The following FBXO15 variants were observed in gnomAD, a reference collection of about 807,000 sequenced individuals.
The protein encoded by FBXO15 is F-box only protein 15.
In FBXO15, 30 loss-of-function variants were observed where a neutral mutation model predicts 49.5. That is an observed-to-expected ratio of 0.61 (90% CI 0.45 to 0.82). The LOEUF (loss-of-function observed/expected upper bound fraction) is 0.82, where lower values mean the gene tolerates loss of function less well. FBXO15 is among the 40% of genes least tolerant of loss of function. The probability of loss-of-function intolerance (pLI) is 0.00; values close to 1 mark genes in which losing one functional copy is unlikely to be tolerated. For missense variants in FBXO15, 591 were observed against 631.5 expected (o/e 0.94, Z 0.69); for synonymous variants, 250 against 232.7 (o/e 1.07, Z -0.68).
intron 2 of FBXO15, among the ~76,000 whole-genome samples, chr18:74,139,388 A>T (rs1320188013): frequency 6.6e-6 from 1 of 152,252 alleles, no homozygotes; most frequent in African/African-American, 2.4e-5. Context: ...TCCATTTCTC[A>T]TATCAGATGC....
intron 8 of FBXO15, among the ~76,000 whole-genome samples, chr18:74,116,553 A>T (rs1029906005): frequency 6.6e-6 from 1 of 152,160 alleles, no homozygotes; most frequent in Non-Finnish European, 1.5e-5. Flanking sequence ...TTGAAGTTTT[A>T]TCCTTTCCAC....
chr18:74,080,625 A>C (rs927368351), intron 9 of FBXO15, among the ~76,000 whole-genome samples: 14 of 152,248 alleles, frequency 9.2e-5, no homozygotes, highest in Admixed American at 1.3e-4. Context: ...CTTCTCTGAG[A>C]ACTTCTATGA....
At chr18:74,131,493 A>T (rs889966469) in intron 3 of FBXO15, among the ~76,000 whole-genome samples, 5 of 152,182 alleles carry the variant, frequency 3.3e-5, no homozygotes, top group Admixed American at 6.5e-5. Context: ...AAGCTCCCCA[A>T]ATTCAGAGAG....
At chr18:74,104,262 G>A (rs1414403077) in intron 8 of FBXO15, among the ~76,000 whole-genome samples, 4 of 151,690 alleles carry the variant, frequency 2.6e-5, no homozygotes, top group Admixed American at 2.6e-4. Flanking sequence ...AAGCCTCATG[G>A]TACAAGAATG....
intron 8 of FBXO15, among the ~76,000 whole-genome samples, chr18:74,094,587 G>A (rs1315937207): frequency 6.6e-6 from 1 of 152,122 alleles, no homozygotes; most frequent in Non-Finnish European, 1.5e-5. Flanking sequence ...CTGAGAAGTG[G>A]GTCTCAATAG....
intron 5 of FBXO15, among the ~76,000 whole-genome samples, chr18:74,128,850 T>C (rs1978304817): frequency 6.6e-6 from 1 of 152,240 alleles, no homozygotes; most frequent in South Asian, 2.1e-4. Flanking sequence ...ACGCATTTTA[T>C]AGTGATATCT....
At chr18:74,089,547 T>C (rs1175758191) in intron 8 of FBXO15, among the ~76,000 whole-genome samples, 1 of 152,176 alleles carries the variant, frequency 6.6e-6, no homozygotes, top group Non-Finnish European at 1.5e-5. Flanking sequence ...TTCAGTATAA[T>C]ATTGGTTTTG....
intron 7 of FBXO15, 93 bp from the exon 8 acceptor site, chr18:74,123,603 A>T: frequency 2.2e-6 from 3 of 1,336,170 alleles, no homozygotes; most frequent in South Asian, 3.0e-5. Context: ...TACCATCTGT[A>T]TCAAAGCACT....
At chr18:74,109,884 C>T (rs571616446) in intron 8 of FBXO15, among the ~76,000 whole-genome samples, 37 of 151,832 alleles carry the variant, frequency 2.4e-4, no homozygotes, top group Non-Finnish European at 4.4e-4. Context: ...ATGTAGATGA[C>T]GAGTTGATGA....
At chr18:74,088,363 T>G (rs556949707) in intron 8 of FBXO15, among the ~76,000 whole-genome samples, 1 of 152,334 alleles carries the variant, frequency 6.6e-6, no homozygotes, top group East Asian at 1.9e-4. Flanking sequence ...CAATACATCT[T>G]GAGTTGATTT....
chr18:74,081,428 C>A (rs754859058), intron 9 of FBXO15, among the ~76,000 whole-genome samples: 2 of 152,228 alleles, frequency 1.3e-5, no homozygotes, highest in Non-Finnish European at 2.9e-5. Context: ...CCTGCTACTT[C>A]CCAACCACTA....
chr18:74,135,260 A>G (rs1978646733), intron 3 of FBXO15, among the ~76,000 whole-genome samples: 1 of 152,268 alleles, frequency 6.6e-6, no homozygotes, highest in East Asian at 1.9e-4. Flanking sequence ...GCCTCTCTCT[A>G]TCCATTTCGC....
Position 74,078,620 on chromosome 18 carries a change from C to T in FBXO15, c.1263+3307G>A, listed in dbSNP as rs886969758. 1.9e-4 allele frequency: 29 copies of T among 152,654 alleles called. 1 individual carries two copies. 9.5% of individuals were successfully genotyped at this position (152,654 alleles called of 1,614,324 possible). A position where few individuals can be genotyped will look rare whatever the true frequency, so the allele number is the denominator to read the frequency against. On this transcript the variant is annotated intron_variant, in intron 9 of 9. Transcript: ENST00000419743. ...TGGGGGGGGATGCATGTCAGAACCTCTCATGAGCCTTCCTCCCACTGGCCC... is the reference window on the plus strand; with the variant it reads ...TGGGGGGGGATGCATGTCAGAACCTTTCATGAGCCTTCCTCCCACTGGCCC...
At chr18:74,129,372 T>C in intron 5 of FBXO15, 33 bp downstream of exon 5, 1 of 1,567,538 alleles carries the variant, frequency 6.4e-7, no homozygotes, top group South Asian at 1.1e-5. Context: ...TATAAGATGC[T>C]CTCACTCAAC....
chr18:74,098,283 T>C (rs572093827), intron 8 of FBXO15: 1 of 152,120 alleles, frequency 6.6e-6, no homozygotes, highest in Non-Finnish European at 1.5e-5. Context: ...TTGATTTACC[T>C]GAAAAAGAAT....
intron 8 of FBXO15, among the ~76,000 whole-genome samples, chr18:74,117,748 G>A (rs1000462557): frequency 2.0e-5 from 3 of 152,096 alleles, no homozygotes; most frequent in Non-Finnish European, 2.9e-5. Flanking sequence ...TATAATGAGT[G>A]CTCAAAAATT....
intron 1 of FBXO15, among the ~76,000 whole-genome samples, chr18:74,143,184 A>G (rs1979192447): frequency 6.6e-6 from 1 of 152,152 alleles, no homozygotes. Context: ...TAGTTCATCA[A>G]ATATAATTTT....
intron 7 of FBXO15, 62 bp downstream of exon 7, chr18:74,124,426 TC>T: frequency 7.5e-7 from 1 of 1,340,566 alleles, no homozygotes. Context: ...TAAGATGGCA[TC>T]AACTTCTAAT....
intron 8 of FBXO15, among the ~76,000 whole-genome samples, chr18:74,100,411 A>G (rs1568164264): frequency 6.6e-6 from 1 of 152,138 alleles, no homozygotes; most frequent in Non-Finnish European, 1.5e-5. Context: ...GATACAGCAA[A>G]AGTGGTGCTA....
Sources: gnomAD v4.1 joint callset for allele counts (sites outside exome capture counted in the v4.1 genomes callset) on GRCh38, gnomAD v4.1.1 for gene constraint, MANE v1.5 for transcripts, NCBI Gene and HGNC (gene_info 2026-07-23, HGNC 2026-07-21) for gene names.